The following CCDC102B variants were observed in gnomAD, a reference collection of about 807,000 sequenced individuals.
CCDC102B encodes the protein coiled-coil domain containing 102B.
In CCDC102B, 75 loss-of-function variants were observed where a neutral mutation model predicts 57.4. That is an observed-to-expected ratio of 1.31 (90% CI 1.08 to 1.58). The LOEUF is 1.58. Ranked by LOEUF, CCDC102B falls within the 40% of genes most tolerant of loss-of-function variation. The pLI, the probability that CCDC102B is intolerant of heterozygous loss-of-function variation, is 0.00. For missense variants in CCDC102B, 636 were observed against 582.6 expected, an observed-to-expected ratio of 1.09 and a Z score of -0.94; for synonymous variants, 206 against 201.9, an observed-to-expected ratio of 1.02 and a Z score of -0.17.
chr18:69,030,002 A>G (rs974607182), intron 7 of CCDC102B, among the ~76,000 whole-genome samples: 2 of 152,154 alleles, frequency 1.3e-5, no homozygotes, highest in Non-Finnish European at 2.9e-5. Context: ...ATGTCTTGCA[A>G]TTAAACCAAA....
chr18:68,804,227 A>G (rs143484750), intron 1 of CCDC102B, among the ~76,000 whole-genome samples: 229 of 152,318 alleles, frequency 1.5e-3, no homozygotes, highest in African/African-American at 5.4e-3. Context: ...GTAAACCTAG[A>G]AGAGTGAAAT....
At chr18:68,950,381 A>G (rs1295911794) in intron 6 of CCDC102B, among the ~76,000 whole-genome samples, 1 of 152,120 alleles carries the variant, frequency 6.6e-6, no homozygotes, top group Non-Finnish European at 1.5e-5. Flanking sequence ...AGAAACTGTA[A>G]AACTTCTACT....
chr18:68,877,852 A>C (rs1317896780), intron 5 of CCDC102B, among the ~76,000 whole-genome samples: 5 of 152,208 alleles, frequency 3.3e-5, no homozygotes, highest in Non-Finnish European at 7.3e-5. Flanking sequence ...AGGAAAGGAA[A>C]GGGCCTGACA....
chr18:68,929,573 A>G (rs1434380165), intron 6 of CCDC102B, among the ~76,000 whole-genome samples: 1 of 151,884 alleles, frequency 6.6e-6, no homozygotes, highest in Non-Finnish European at 1.5e-5. Flanking sequence ...CTAAATTGGA[A>G]TTTCAGTTTT....
intron 1 of CCDC102B, among the ~76,000 whole-genome samples, chr18:68,828,335 A>C (rs2036997041): frequency 6.6e-6 from 1 of 150,432 alleles, no homozygotes; most frequent in South Asian, 2.1e-4. Context: ...AAAAAAAAAA[A>C]AAAAAAAAAA....
rs545645299 is a variant in CCDC102B, at chr18:68,735,514, C to T, written c.-67+18920C>T. Among the ~76,000 whole-genome samples the T allele has an allele frequency of 5.3e-5, 8 of 152,294 alleles. No individual in the cohort carries two copies. In the South Asian group the frequency reaches 1.7e-3, roughly 32 times the overall value. On this transcript the variant is annotated intron_variant, in intron 2 of 3. Transcript: ENST00000578970. Reference sequence around the variant, plus strand: ...TGATCCTTGCTTCTTTGCAGGTGATCTCTGACTCACTGTAAGCTTTGTAAA... The same window carrying T: ...TGATCCTTGCTTCTTTGCAGGTGATTTCTGACTCACTGTAAGCTTTGTAAA...
intron 6 of CCDC102B, among the ~76,000 whole-genome samples, chr18:68,989,001 CT>C (rs1475541441): frequency 7.9e-5 from 12 of 152,150 alleles, no homozygotes; most frequent in Non-Finnish European, 1.6e-4. Flanking sequence ...CTTGGTCAGG[CT>C]GTTTTTGCTG....
intron 7 of CCDC102B, among the ~76,000 whole-genome samples, chr18:69,047,283 CA>C (rs1362730097): frequency 6.6e-6 from 1 of 152,064 alleles, no homozygotes; most frequent in African/African-American, 2.4e-5. Context: ...CAGCTGAAGA[CA>C]AAAACCACAT....
At chr18:68,723,728 C>T (rs1020664205) in intron 2 of CCDC102B, among the ~76,000 whole-genome samples, 18 of 152,310 alleles carry the variant, frequency 1.2e-4, no homozygotes, top group African/African-American at 4.1e-4. Context: ...GTACATACAG[C>T]CCCACTCCTG....
rs2052780162 is a variant in CCDC102B, at chr18:69,054,405, A to G, written c.*268A>G. ...TTTGAAAGTCAAAAAGGGCTTTCAGAATACTTTTTACATAAAATCTGAAAG... is the reference window on the plus strand; with the variant it reads ...TTTGAAAGTCAAAAAGGGCTTTCAGGATACTTTTTACATAAAATCTGAAAG... On this transcript the variant is annotated 3_prime_UTR_variant, in exon 8 of 8. Coordinates refer to ENST00000360242, the MANE Select transcript of CCDC102B (RefSeq NM_024781.3). 9.2e-7 allele frequency: 1 copy of G among 1,091,836 alleles called. No homozygotes were observed. The highest frequency in any genetic ancestry group is 3.6e-5 in the South Asian group (1 of 27,786). The allele number at this position is 1,091,836 out of a possible 1,614,324, so 67.6% of individuals were successfully genotyped here.
chr18:68,919,661 C>A (rs2041204499), intron 6 of CCDC102B, among the ~76,000 whole-genome samples: 1 of 152,090 alleles, frequency 6.6e-6, no homozygotes, highest in South Asian at 2.1e-4. Context: ...ACTTAGGCTA[C>A]AAAAAACTTT....
chr18:68,833,690 C>G (rs1278169290), intron 1 of CCDC102B, among the ~76,000 whole-genome samples: 1 of 152,138 alleles, frequency 6.6e-6, no homozygotes, highest in Non-Finnish European at 1.5e-5. Flanking sequence ...GAGTAAGACT[C>G]TACCTGATAG....
chr18:68,715,713 A>G (rs1255692717), intron 1 of CCDC102B: 4 of 152,172 alleles, frequency 2.6e-5, no homozygotes, highest in African/African-American at 4.8e-5. Flanking sequence ...TTGGAACTAG[A>G]TAAAGTAGTA....
intron 2 of CCDC102B, among the ~76,000 whole-genome samples, chr18:68,749,709 A>G (rs2033771035): frequency 6.6e-6 from 1 of 152,178 alleles, no homozygotes. Flanking sequence ...ATATACAATC[A>G]TGTCATCTGC....
chr18:69,033,114 A>C (rs1461784960), intron 7 of CCDC102B, among the ~76,000 whole-genome samples: 2 of 152,124 alleles, frequency 1.3e-5, no homozygotes, highest in Non-Finnish European at 2.9e-5. Flanking sequence ...CAAGTGACAC[A>C]ATTATTTAAG....
At chr18:68,840,150 G>A (rs141749096) in intron 3 of CCDC102B, among the ~76,000 whole-genome samples, 2 of 151,888 alleles carry the variant, frequency 1.3e-5, no homozygotes, top group African/African-American at 2.4e-5. Flanking sequence ...TATAAATAAG[G>A]TTCCAAAATC....
intron 5 of CCDC102B, among the ~76,000 whole-genome samples, chr18:68,884,525 C>T (rs896914847): frequency 2.0e-5 from 3 of 150,998 alleles, no homozygotes; most frequent in African/African-American, 4.9e-5. Flanking sequence ...TTGGGGATGA[C>T]GAAATGGGCA....
intron 6 of CCDC102B, among the ~76,000 whole-genome samples, chr18:68,928,249 C>T (rs1000248703): frequency 2.6e-5 from 4 of 151,838 alleles, no homozygotes; most frequent in Admixed American, 6.6e-5. Context: ...TTGGAGACAT[C>T]GCCTGGATTA....
intron 6 of CCDC102B, among the ~76,000 whole-genome samples, chr18:68,998,433 T>TTATA (rs60851180): frequency 0.011 from 1,630 of 144,744 alleles, 20 homozygotes; most frequent in Middle Eastern, 0.025. Flanking sequence ...ATATAATATA[T>TTATA]TATATATATA....
Sources: gnomAD v4.1 joint callset for allele counts (sites outside exome capture counted in the v4.1 genomes callset) on GRCh38, gnomAD v4.1.1 for gene constraint, MANE v1.5 for transcripts, NCBI Gene and HGNC (gene_info 2026-07-23, HGNC 2026-07-21) for gene names.